CHD6: variants seen among roughly 807,000 people sequenced by gnomAD.
CHD6 encodes chromodomain helicase DNA binding protein 6, also known as ATP-dependent chromatin remodeler CHD6.
Under a neutral mutation model 276.9 loss-of-function variants are expected in CHD6, and 50 were observed. The ratio of observed to expected loss-of-function variants is 0.18; its 90% CI spans 0.14 to 0.23. CHD6 has a LOEUF of 0.23. Among genes scored for constraint, CHD6 ranks in the 10% least tolerant of loss-of-function variants. CHD6 has a pLI of 1.00. For missense variants in CHD6, 2,564 were observed against 3,365.8 expected (o/e 0.76, Z 5.89); for synonymous variants, 1,173 against 1,229.3 (o/e 0.95, Z 0.96).
In CHD6 at chr20:41,512,873, TGA is replaced by T; in HGVS notation, c.823_824del (p.Ala276LeufsTer14). 1 of 1,614,010 alleles carries T rather than the reference TGA, an allele frequency of 6.2e-7. No homozygotes were observed. The highest frequency in any genetic ancestry group is 8.5e-7 in the Non-Finnish European group (1 of 1,179,904). Reference sequence around the variant, plus strand: ...CCGCCTGCCAGGCCAGTGTAGAGGCTGAGAGTGCAGATGTTCGACCAGCTCCA... The same window carrying T: ...CCGCCTGCCAGGCCAGTGTAGAGGCTGAGTGCAGATGTTCGACCAGCTCCA... ...VLGAGRTSAL[S>X]ASTLAWQAEE... On this transcript the variant is annotated frameshift_variant, in exon 5 of 37. Coordinates refer to ENST00000373233, the MANE Select transcript of CHD6 (RefSeq NM_032221.5). LOFTEE classifies it high-confidence loss of function.
chr20:41,467,188 G>C (rs1015487890), intron 17 of CHD6, among the ~76,000 whole-genome samples: 1 of 151,992 alleles, frequency 6.6e-6, no homozygotes, highest in Non-Finnish European at 1.5e-5. Flanking sequence ...CCCCCAAGAT[G>C]ACTTACCTGA....
At chr20:41,528,810 C>T (rs1291984493) in intron 3 of CHD6, among the ~76,000 whole-genome samples, 1 of 152,214 alleles carries the variant, frequency 6.6e-6, no homozygotes, top group Admixed American at 6.5e-5. Context: ...ATTTGCTAGA[C>T]TCTACCTATC....
chr20:41,468,973 C>T (rs1224625511), intron 17 of CHD6, among the ~76,000 whole-genome samples: 1 of 152,198 alleles, frequency 6.6e-6, no homozygotes, highest in Non-Finnish European at 1.5e-5. Context: ...GCCTGGATAA[C>T]ATAGCGAGAT....
intron 31 of CHD6, 59 bp from the exon 32 acceptor site, chr20:41,417,408 T>A (rs751300535): frequency 5.2e-5 from 75 of 1,445,044 alleles, no homozygotes; most frequent in Non-Finnish European, 6.9e-5. Context: ...ATACTAGTGA[T>A]CTGAGAGATT....
chr20:41,420,476 T>C (rs747572832), intron 31 of CHD6, 32 bp downstream of exon 31: 3 of 1,568,086 alleles, frequency 1.9e-6, no homozygotes, highest in Non-Finnish European at 2.6e-6. Flanking sequence ...AACTAGTTTA[T>C]CCAAAATGCC....
At chr20:41,566,425 T>C (rs1381365194) in intron 1 of CHD6, among the ~76,000 whole-genome samples, 1 of 152,098 alleles carries the variant, frequency 6.6e-6, no homozygotes, top group Non-Finnish European at 1.5e-5. Context: ...GTGTAAAGCC[T>C]AAAATTCAGG....
At chr20:41,531,548 A>T (rs1341407340) in intron 3 of CHD6, among the ~76,000 whole-genome samples, 3 of 152,158 alleles carry the variant, frequency 2.0e-5, no homozygotes, top group Non-Finnish European at 4.4e-5. Flanking sequence ...AAATCCTGTT[A>T]AGGTTTTAGT....
At chr20:41,573,076 A>G (rs1396352569) in intron 1 of CHD6, among the ~76,000 whole-genome samples, 1 of 151,868 alleles carries the variant, frequency 6.6e-6, no homozygotes, top group Non-Finnish European at 1.5e-5. Context: ...CGCCCAGCTA[A>G]TTTTTTGTAT....
At chr20:41,550,315 T>C (rs1478704304) in intron 2 of CHD6, among the ~76,000 whole-genome samples, 1 of 152,244 alleles carries the variant, frequency 6.6e-6, no homozygotes, top group Admixed American at 6.5e-5. Flanking sequence ...ATGTAGCGTC[T>C]GCCTATCAGC....
intron 14 of CHD6, among the ~76,000 whole-genome samples, chr20:41,486,426 T>C (rs1338051932): frequency 2.0e-5 from 3 of 152,078 alleles, no homozygotes; most frequent in Non-Finnish European, 4.4e-5. Flanking sequence ...GGAGAGAAGG[T>C]TAGAGCTGGC....
chr20:41,546,268 C>T (rs868022965), intron 2 of CHD6, among the ~76,000 whole-genome samples: 7 of 152,166 alleles, frequency 4.6e-5, no homozygotes, highest in Middle Eastern at 3.4e-3. Flanking sequence ...AAACTCTTCC[C>T]ATCTTTATGT....
At chr20:41,466,345 C>T (rs1269126697) in intron 17 of CHD6, among the ~76,000 whole-genome samples, 1 of 152,092 alleles carries the variant, frequency 6.6e-6, no homozygotes, top group African/African-American at 2.4e-5. Context: ...CCCCGCTTAA[C>T]AATATATCCA....
intron 22 of CHD6, 95 bp downstream of exon 22, chr20:41,451,731 A>G: frequency 9.5e-7 from 1 of 1,055,552 alleles, no homozygotes; most frequent in Non-Finnish European, 1.4e-6. Context: ...GAGAAAGAGA[A>G]GTCCCCCAAA....
intron 17 of CHD6, among the ~76,000 whole-genome samples, chr20:41,467,119 C>T (rs1163125918): frequency 6.6e-6 from 1 of 151,948 alleles, no homozygotes; most frequent in Non-Finnish European, 1.5e-5. Context: ...AAAAATAAAC[C>T]CCTGTTTGGG....
Position 41,405,730 on chromosome 20 carries a change from C to T in CHD6, c.7252-241G>A, listed in dbSNP as rs538335532. ...GCACAACTAGGGCACCTGTCACTGC[C>T]CAGTGGTAATTCCAACATGCTGACT... On this transcript the variant is annotated intron_variant, in intron 36 of 36. Coordinates refer to ENST00000373233, the MANE Select transcript of CHD6 (RefSeq NM_032221.5). 5.3e-5 allele frequency among the ~76,000 whole-genome samples: 8 copies of T among 152,230 alleles called. 1 individual carries two copies. The highest frequency in any genetic ancestry group is 1.7e-4 in the African/African-American group (7 of 41,546).
chr20:41,431,265 AATT>A (rs554468699), intron 27 of CHD6, among the ~76,000 whole-genome samples: 252 of 152,328 alleles, frequency 1.7e-3, no homozygotes, highest in African/African-American at 5.6e-3. Flanking sequence ...ATCTTTGAAA[AATT>A]ATTATTATCT....
At chr20:41,567,171 T>C (rs1444557286) in intron 1 of CHD6, among the ~76,000 whole-genome samples, 2 of 152,146 alleles carry the variant, frequency 1.3e-5, no homozygotes, top group Non-Finnish European at 2.9e-5. Flanking sequence ...TGTACCCTGG[T>C]GTGATGCGCC....
chr20:41,509,018 C>G (rs756709553), intron 5 of CHD6, among the ~76,000 whole-genome samples: 85 of 152,182 alleles, frequency 5.6e-4, no homozygotes, highest in Middle Eastern at 3.4e-3. Flanking sequence ...CCAACAGAAA[C>G]ATACAGTTCT....
chr20:41,532,979 GGCTAAT>G lies in CHD6; in HGVS notation c.554+65_554+70del, dbSNP rs2044725906. 2.0e-6 allele frequency: 3 copies of G among 1,499,348 alleles called. No homozygotes were observed. The South Asian group carries it at 4.1e-5, about 20-fold the overall frequency. The allele number at this position is 1,499,348 out of a possible 1,614,324, so 92.9% of individuals were successfully genotyped here. A position where few individuals can be genotyped will look rare whatever the true frequency, so the allele number is the denominator to read the frequency against. On this transcript the variant is annotated intron_variant, in intron 3 of 36. Transcript: ENST00000373233. Reference sequence around the variant, plus strand: ...CAGCAGGGTTATGCCTAGGGGCTTGGGCTAATGCCAAAGGCAAATCGTTCTGCACTG... The same window carrying G: ...CAGCAGGGTTATGCCTAGGGGCTTGGGCCAAAGGCAAATCGTTCTGCACTG...
Sources: gnomAD v4.1 joint callset for allele counts (sites outside exome capture counted in the v4.1 genomes callset) on GRCh38, gnomAD v4.1.1 for gene constraint, MANE v1.5 for transcripts, NCBI Gene and HGNC (gene_info 2026-07-23, HGNC 2026-07-21) for gene names.